The following NCAPH2 variants were observed in gnomAD, a reference collection of about 807,000 sequenced individuals.
NCAPH2 encodes condensin-2 complex subunit H2.
In NCAPH2, 56 loss-of-function variants were observed where a neutral mutation model predicts 88.6. The observed-to-expected ratio is 0.63, with a 90% CI of 0.51 to 0.79. NCAPH2 has a LOEUF of 0.79. NCAPH2 is among the 30% of genes least tolerant of loss of function. The pLI is 0.00. For synonymous variants in NCAPH2, 378 were observed against 313.6 expected, an observed-to-expected ratio of 1.21 and a Z score of -2.17; for missense variants, 794 against 792.0, an observed-to-expected ratio of 1.00 and a Z score of -0.03.
In NCAPH2 at chr22:50,521,538, C is replaced by T. The variant is rs1459547512; in HGVS notation, c.934-5C>T. 6.2e-7 allele frequency: 1 copy of T among 1,613,424 alleles called. No individual in the cohort carries two copies. The highest frequency in any genetic ancestry group is 1.7e-5 in the Admixed American group (1 of 60,020). Reference sequence around the variant, plus strand: ...CTCCAGCGCCTTCTTGTGCTCTGTGCCCAGGAGACTCCAGACCCCTGGCAG... The same window carrying T: ...CTCCAGCGCCTTCTTGTGCTCTGTGTCCAGGAGACTCCAGACCCCTGGCAG... On this transcript the variant is annotated splice_polypyrimidine_tract_variant and splice_region_variant and intron_variant, in intron 10 of 19. Coordinates refer to ENST00000420993, the MANE Select transcript of NCAPH2 (RefSeq NM_152299.4).
rs1286515650 is a variant in NCAPH2 at position 50,518,704 on chromosome 22, C to T, written c.702C>T (p.Val234=). 4 of 1,608,808 alleles carry T rather than the reference C, an allele frequency of 2.5e-6. No individual in the cohort carries two copies. The highest frequency in any genetic ancestry group is 3.4e-6 in the Non-Finnish European group (4 of 1,178,470). The part of the protein sequence containing the change: ...PMEVSVCRSP[V]PALGFSQEPG... ...AAGTTTCCGTGTGCAGGAGCCCTGT[C>T]CCAGCACTCGGCTTCTCCCAGGAGC... The change falls in exon 8 of 20, where the codon GTC becomes GTT. Residue 234 remains valine, a synonymous_variant. Transcript: ENST00000420993.
At chr22:50,513,094 T>C (rs1165662430) in intron 1 of NCAPH2, among the ~76,000 whole-genome samples, 1 of 152,270 alleles carries the variant, frequency 6.6e-6, no homozygotes, top group Admixed American at 6.5e-5. Context: ...CTGTTTTATG[T>C]GCTTTACACA....
At chr22:50,514,032 A>G (rs539848006) in intron 1 of NCAPH2, among the ~76,000 whole-genome samples, 110 of 152,230 alleles carry the variant, frequency 7.2e-4, no homozygotes, top group African/African-American at 2.5e-3. Context: ...ACTTGAACCC[A>G]GGAGGCGGAG....
At chr22:50,508,781 G>A (rs2068701117) in intron 1 of NCAPH2, among the ~76,000 whole-genome samples, 1 of 152,226 alleles carries the variant, frequency 6.6e-6, no homozygotes, top group Non-Finnish European at 1.5e-5. Context: ...GAGCATGCTT[G>A]TGTGTTTGAG....
intron 1 of NCAPH2, among the ~76,000 whole-genome samples, chr22:50,515,120 G>A (rs539225718): frequency 3.3e-4 from 51 of 152,348 alleles, no homozygotes; most frequent in Non-Finnish European, 1.3e-4. Flanking sequence ...TTCACTAAGG[G>A]ACACGATCAC....
At chr22:50,508,950 A>AT (rs2068707789) in intron 1 of NCAPH2, among the ~76,000 whole-genome samples, 1 of 152,042 alleles carries the variant, frequency 6.6e-6, no homozygotes, top group African/African-American at 2.4e-5. Context: ...TTTGCGCTTC[A>AT]TTTTTACTCC....
intron 6 of NCAPH2, 37 bp downstream of exon 6, chr22:50,518,089 G>A (rs1291825418): frequency 1.2e-6 from 2 of 1,613,584 alleles, no homozygotes; most frequent in Admixed American, 1.7e-5. Context: ...AGGGAGGCCT[G>A]CCTGGGAAGG....
At chr22:50,513,694 AGGGGTTGCAGTGAGCC>A (rs1249352621) in intron 1 of NCAPH2, among the ~76,000 whole-genome samples, 2 of 152,184 alleles carry the variant, frequency 1.3e-5, no homozygotes, top group African/African-American at 4.8e-5. Context: ...CCTGGGAGGC[AGGGGTTGCAGTGAGCC>A]GAGATTGTGC....
chr22:50,516,181 C>T (rs763595690), intron 1 of NCAPH2, among the ~76,000 whole-genome samples: 12 of 152,124 alleles, frequency 7.9e-5, no homozygotes, highest in Non-Finnish European at 1.2e-4. Context: ...TGGAGGGAGC[C>T]GCTGTGCTGC....
chr22:50,508,587 C>T (rs1473588435), intron 1 of NCAPH2, 142 bp downstream of exon 1: 5 of 529,882 alleles, frequency 9.4e-6, no homozygotes, highest in Non-Finnish European at 3.1e-6. Flanking sequence ...CCTCGGGCTC[C>T]CTGCTTCTTT....
chr22:50,518,664 A>G lies in NCAPH2; in HGVS notation c.662A>G (p.Glu221Gly). ...PGTQKDTGRT[E>G]EQPMEVSVCR... ...TCTCTCCCAGACACCGGGAGGACTG[A>G]GGAGCAGCCAATGGAAGTTTCCGTG... is the stretch of plus-strand genomic sequence containing the variant. Residue 221 changes from glutamate (E) to glycine (G), a missense_variant, in exon 8 of 20, where the codon GAG (glutamate) becomes GGG (glycine). By Grantham distance (98) the Glu-to-Gly change is moderately conservative. Around this residue, in one of 2 missense-constraint regions of NCAPH2, gnomAD observed 735 missense variants for 696.3 expected, o/e 1.06. Transcript: ENST00000420993. 6.2e-7 allele frequency: 1 copy of G among 1,608,278 alleles called. No homozygotes were observed. The highest frequency in any genetic ancestry group is 8.5e-7 in the Non-Finnish European group (1 of 1,178,470).
chr22:50,522,563 G>T lies in NCAPH2; in HGVS notation c.1369G>T (p.Asp457Tyr), dbSNP rs765694291. ...GGGAGCAGACCCCAGGGAAGCCGCT[G>T]ACCTTGGTAGGTGGGCAGCGGGCTA... is the stretch of plus-strand genomic sequence containing the variant. ...PEGADPREAA[D>Y]LDAVPMSLSY... The change falls in exon 16 of 20, where the codon GAC becomes TAC. Residue 457 changes from aspartate to tyrosine, a missense_variant. Around this residue, in one of 2 missense-constraint regions of NCAPH2, gnomAD observed 735 missense variants for 696.3 expected, o/e 1.06. Transcript: ENST00000420993. 2 of 1,613,774 alleles carry T rather than the reference G, an allele frequency of 1.2e-6. No individual in the cohort carries two copies. The highest frequency in any genetic ancestry group is 1.7e-5 in the Admixed American group (1 of 60,032).
intron 1 of NCAPH2, among the ~76,000 whole-genome samples, chr22:50,511,438 C>T (rs1286853730): frequency 2.8e-5 from 4 of 143,388 alleles, no homozygotes; most frequent in Non-Finnish European, 5.9e-5. Context: ...TACTGGCACC[C>T]GCCACCACGC....
At chr22:50,519,513 CCT>C in intron 9 of NCAPH2, 193 bp downstream of exon 9, 1 of 1,425,846 alleles carries the variant, frequency 7.0e-7, no homozygotes, top group East Asian at 2.6e-5. Context: ...GTGTTCCTCC[CCT>C]CTCTGAGCAG....
Position 50,517,482 on chromosome 22 carries a change from G to A in NCAPH2, c.266G>A (p.Arg89Lys), listed in dbSNP as rs1195552873. 6.2e-7 allele frequency: 1 copy of A among 1,614,102 alleles called. No homozygotes were observed. Among genetic ancestry groups the A allele is most frequent in the Non-Finnish European group, 8.5e-7 (1 of 1,180,032 alleles). The part of the protein sequence containing the change: ...YQALDFISGK[R>K]RAKQLSSVQE... ...GCCCTTGATTTCATCTCTGGAAAGA[G>A]GTGAGTTCTGCAGCCACTCACTGTG... Residue 89 changes from arginine to lysine, a missense_variant and splice_region_variant, in exon 3 of 20, where the codon AGG becomes AAG. Coordinates refer to ENST00000420993, the MANE Select transcript of NCAPH2 (RefSeq NM_152299.4).
At chr22:50,515,156 A>G (rs1444516525) in intron 1 of NCAPH2, among the ~76,000 whole-genome samples, 2 of 152,222 alleles carry the variant, frequency 1.3e-5, no homozygotes, top group African/African-American at 4.8e-5. Context: ...CAGAGGCCCC[A>G]GGAATGGAGG....
At position 50,524,190 on chromosome 22, in the gene NCAPH2, G is replaced by A; in HGVS notation, c.*815G>A. On this transcript the variant is annotated 3_prime_UTR_variant, in exon 20 of 20. Transcript: ENST00000420993. Reference sequence around the variant, plus strand: ...CCTTCTCAGCCCTCAGGGCCAGCCAGGCCCCACCGAGTCCAGCCCCGAACA... The same window carrying A: ...CCTTCTCAGCCCTCAGGGCCAGCCAAGCCCCACCGAGTCCAGCCCCGAACA... 3 of 1,609,152 alleles carry A rather than the reference G, an allele frequency of 1.9e-6. No individual in the cohort carries two copies. Among genetic ancestry groups the A allele is most frequent in the Non-Finnish European group, 2.5e-6 (3 of 1,179,938 alleles).
Position 50,522,930 on chromosome 22 carries a change from G to A in NCAPH2, c.1527+8G>A, listed in dbSNP as rs760899659. 16 of 1,612,534 alleles carry A rather than the reference G, an allele frequency of 9.9e-6. No homozygotes were observed. Among genetic ancestry groups the A allele is most frequent in the Non-Finnish European group, 1.4e-5 (16 of 1,179,884 alleles). On this transcript the variant is annotated splice_region_variant and intron_variant, in intron 18 of 19. Coordinates refer to ENST00000420993, the MANE Select transcript of NCAPH2 (RefSeq NM_152299.4). ...CCTCTGCTCCAGGAGCAGGTGAGGC[G>A]GGGCCGCTGGGAACCAGAGCTGTGT...
chr22:50,522,946 A>C, intron 18 of NCAPH2, 24 bp downstream of exon 18: 3 of 1,612,478 alleles, frequency 1.9e-6, no homozygotes, highest in Non-Finnish European at 1.7e-6. Flanking sequence ...GCTGGGAACC[A>C]GAGCTGTGTG....
Sources: allele counts gnomAD v4.1 joint callset (sites outside exome capture counted in the v4.1 genomes callset), GRCh38; gene constraint gnomAD v4.1.1; regional missense constraint gnomAD v4.1.1; transcripts MANE v1.5; gene names NCBI Gene and HGNC (gene_info 2026-07-23, HGNC 2026-07-21).